Variants in MARCHF1 observed in about 807,000 individuals in gnomAD.
MARCHF1 encodes membrane associated ring-CH-type finger 1, also known as E3 ubiquitin-protein ligase MARCHF1.
In MARCHF1, 40 loss-of-function variants were observed where a neutral mutation model predicts 54.2. The ratio of observed to expected loss-of-function variants is 0.74; its 90% CI spans 0.57 to 0.96. MARCHF1 has a LOEUF of 0.96. Among genes scored for constraint, MARCHF1 ranks in the 40% least tolerant of loss-of-function variants. The pLI is 0.00. For missense variants in MARCHF1, 586 were observed against 656.5 expected, an observed-to-expected ratio of 0.89 and a Z score of 1.17; for synonymous variants, 236 against 236.3, an observed-to-expected ratio of 1.00 and a Z score of 0.01.
chr4:163,849,637 A>G (rs995870233), intron 4 of MARCHF1, among the ~76,000 whole-genome samples: 32 of 152,172 alleles, frequency 2.1e-4, no homozygotes, highest in Non-Finnish European at 1.0e-4. Context: ...GTATCAGGGT[A>G]GAAGTGATGC....
At chr4:164,311,811 C>T (rs986660173) in intron 1 of MARCHF1, among the ~76,000 whole-genome samples, 1 of 152,190 alleles carries the variant, frequency 6.6e-6, no homozygotes, top group Admixed American at 6.5e-5. Flanking sequence ...TGTAACATTG[C>T]ATATGCACCA....
At chr4:164,342,608 T>G (rs1729963056) in intron 1 of MARCHF1, among the ~76,000 whole-genome samples, 1 of 151,994 alleles carries the variant, frequency 6.6e-6, no homozygotes, top group Non-Finnish European at 1.5e-5. Context: ...CATTTCTACT[T>G]CTGGGTATAT....
At chr4:163,659,655 C>T (rs1240533763) in intron 5 of MARCHF1, among the ~76,000 whole-genome samples, 1 of 151,930 alleles carries the variant, frequency 6.6e-6, no homozygotes, top group African/African-American at 2.4e-5. Context: ...ATCTACCCAT[C>T]TGACAAAGGT....
intron 3 of MARCHF1, among the ~76,000 whole-genome samples, chr4:163,876,150 G>A (rs969136330): frequency 6.6e-6 from 1 of 152,074 alleles, no homozygotes; most frequent in Non-Finnish European, 1.5e-5. Context: ...ATTTTAAAAT[G>A]TAGCCTTAAC....
intron 1 of MARCHF1, among the ~76,000 whole-genome samples, chr4:164,300,121 G>A (rs1200935144): frequency 1.3e-5 from 2 of 151,998 alleles, no homozygotes; most frequent in Non-Finnish European, 2.9e-5. Context: ...TAAAACAATA[G>A]GCACTCAATT....
At chr4:164,292,700 AG>A (rs1734313517) in intron 1 of MARCHF1, among the ~76,000 whole-genome samples, 1 of 152,224 alleles carries the variant, frequency 6.6e-6, no homozygotes, top group Non-Finnish European at 1.5e-5. Flanking sequence ...TATCAATTTC[AG>A]AAACGTTAAA....
At chr4:164,276,804 A>C (rs1161789823) in intron 1 of MARCHF1, among the ~76,000 whole-genome samples, 5 of 149,574 alleles carry the variant, frequency 3.3e-5, no homozygotes, top group Admixed American at 3.3e-4. Flanking sequence ...TTCTGAGTAG[A>C]AGAATATGAG....
intron 8 of MARCHF1, among the ~76,000 whole-genome samples, chr4:163,550,963 C>T (rs1025313341): frequency 1.3e-5 from 2 of 152,088 alleles, no homozygotes; most frequent in African/African-American, 4.8e-5. Flanking sequence ...CAGGTGATTC[C>T]GATGCAAGCT....
At chr4:163,864,270 C>G (rs185159340) in intron 3 of MARCHF1, among the ~76,000 whole-genome samples, 1 of 151,958 alleles carries the variant, frequency 6.6e-6, no homozygotes, top group Non-Finnish European at 1.5e-5. Flanking sequence ...GGAAATGGTA[C>G]TTTACCTGAA....
chr4:164,227,039 T>A (rs1265334262), intron 1 of MARCHF1, among the ~76,000 whole-genome samples: 1 of 152,082 alleles, frequency 6.6e-6, no homozygotes, highest in Non-Finnish European at 1.5e-5. Context: ...CACTGAATAA[T>A]AAATTTGTTA....
At chr4:163,935,234 C>A (rs1751767922) in intron 3 of MARCHF1, among the ~76,000 whole-genome samples, 1 of 151,992 alleles carries the variant, frequency 6.6e-6, no homozygotes, top group Non-Finnish European at 1.5e-5. Flanking sequence ...TTAAAGTTAC[C>A]AGCTGCATTA....
At chr4:163,688,597 A>G (rs1447100063) in intron 5 of MARCHF1, among the ~76,000 whole-genome samples, 1 of 152,222 alleles carries the variant, frequency 6.6e-6, no homozygotes, top group Non-Finnish European at 1.5e-5. Context: ...AATTTAAAGA[A>G]TGTTTGTATA....
intron 4 of MARCHF1, among the ~76,000 whole-genome samples, chr4:163,711,318 TG>T (rs1336030373): frequency 3.9e-5 from 6 of 152,196 alleles, no homozygotes; most frequent in Admixed American, 1.3e-4. Context: ...TATTTTTTTC[TG>T]TTGGAAATCC....
chr4:163,635,420 C>G (rs200115416), intron 5 of MARCHF1, among the ~76,000 whole-genome samples: 1 of 149,868 alleles, frequency 6.7e-6, no homozygotes, highest in Non-Finnish European at 1.5e-5. Context: ...ATATCACCAC[C>G]GATCCCACAG....
intron 5 of MARCHF1, among the ~76,000 whole-genome samples, chr4:163,700,076 A>G (rs1451422466): frequency 1.3e-5 from 2 of 152,126 alleles, no homozygotes; most frequent in Non-Finnish European, 1.5e-5. Context: ...AAATTCCCCC[A>G]GAGTTCAGCC....
At chr4:164,020,188 CT>C (rs1291650407) in intron 2 of MARCHF1, among the ~76,000 whole-genome samples, 3 of 152,250 alleles carry the variant, frequency 2.0e-5, no homozygotes, top group African/African-American at 7.2e-5. Flanking sequence ...CAAAAAGTCT[CT>C]TTCCAAATAA....
At chr4:164,287,717 T>C (rs562651672) in intron 1 of MARCHF1, among the ~76,000 whole-genome samples, 3 of 152,178 alleles carry the variant, frequency 2.0e-5, no homozygotes, top group Non-Finnish European at 4.4e-5. Context: ...TATCTTTGTC[T>C]TCATAAGAGA....
intron 5 of MARCHF1, among the ~76,000 whole-genome samples, chr4:163,656,990 T>A (rs1743168434): frequency 6.6e-6 from 1 of 152,170 alleles, no homozygotes; most frequent in South Asian, 2.1e-4. Flanking sequence ...ATTTGAAAAT[T>A]GGCACAAGAC....
At chr4:164,213,294 C>T (rs1262269396) in intron 1 of MARCHF1, among the ~76,000 whole-genome samples, 3 of 150,876 alleles carry the variant, frequency 2.0e-5, no homozygotes, top group East Asian at 1.9e-4. Flanking sequence ...AGTGCAGTGG[C>T]GCAAGCTCTG....
Sources: gnomAD v4.1 joint callset for allele counts (sites outside exome capture counted in the v4.1 genomes callset) on GRCh38, gnomAD v4.1.1 for gene constraint, MANE v1.5 for transcripts, NCBI Gene and HGNC (gene_info 2026-07-23, HGNC 2026-07-21) for gene names.